The following SLC35F1 variants were observed in gnomAD, a reference collection of about 807,000 sequenced individuals.
SLC35F1 encodes the protein solute carrier family 35 member F1.
In SLC35F1, 14 loss-of-function variants were observed where a neutral mutation model predicts 48.7. That is an observed-to-expected ratio of 0.29 (90% CI 0.19 to 0.45). The LOEUF is 0.45. SLC35F1 is among the 20% of genes least tolerant of loss of function. The probability of loss-of-function intolerance (pLI) is 1.00; values close to 1 mark genes in which losing one functional copy is unlikely to be tolerated. For missense variants in SLC35F1, 404 were observed against 500.0 expected (o/e 0.81, Z 1.83); for synonymous variants, 190 against 202.2 (o/e 0.94, Z 0.51).
intron 1 of SLC35F1, among the ~76,000 whole-genome samples, chr6:118,138,513 G>C (rs1490127963): frequency 1.3e-5 from 2 of 152,090 alleles, no homozygotes; most frequent in Non-Finnish European, 2.9e-5. Flanking sequence ...TTCATTCCAA[G>C]GCACTATATC....
intron 1 of SLC35F1, among the ~76,000 whole-genome samples, chr6:118,021,299 C>T (rs905644480): frequency 2.1e-4 from 32 of 152,152 alleles, no homozygotes; most frequent in African/African-American, 7.7e-4. Flanking sequence ...TAGACTGGTA[C>T]TGAAATGGGA....
chr6:118,183,107 C>G (rs1019498997), intron 2 of SLC35F1, among the ~76,000 whole-genome samples: 4 of 152,182 alleles, frequency 2.6e-5, no homozygotes, highest in Admixed American at 2.6e-4. Flanking sequence ...CAGATTGTTG[C>G]AATCCATCAT....
intron 1 of SLC35F1, among the ~76,000 whole-genome samples, chr6:118,005,785 A>G (rs1458026227): frequency 1.3e-5 from 2 of 152,072 alleles, no homozygotes; most frequent in Admixed American, 1.3e-4. Flanking sequence ...TACCTGACCC[A>G]CCGTCTGATA....
intron 2 of SLC35F1, among the ~76,000 whole-genome samples, chr6:118,163,232 G>T (rs369774221): frequency 5.3e-5 from 8 of 151,946 alleles, no homozygotes; most frequent in African/African-American, 1.7e-4. Flanking sequence ...CCAAAGTGCT[G>T]GGATTACAGA....
chr6:118,103,528 C>G (rs1018667097), intron 1 of SLC35F1, among the ~76,000 whole-genome samples: 2 of 152,202 alleles, frequency 1.3e-5, no homozygotes, highest in African/African-American at 4.8e-5. Flanking sequence ...ACTTCTGTGC[C>G]CAGGCCTGAG....
intron 1 of SLC35F1, among the ~76,000 whole-genome samples, chr6:117,916,266 T>C (rs1775824706): frequency 6.6e-6 from 1 of 152,272 alleles, no homozygotes; most frequent in Admixed American, 6.5e-5. Context: ...TTTTGGTTTT[T>C]GTTTTTTTCC....
chr6:118,213,640 G>A (rs1299463815), intron 2 of SLC35F1, among the ~76,000 whole-genome samples: 1 of 152,108 alleles, frequency 6.6e-6, no homozygotes, highest in African/African-American at 2.4e-5. Context: ...AAACGAGGCA[G>A]ACTTATTTGT....
intron 1 of SLC35F1, among the ~76,000 whole-genome samples, chr6:117,936,274 A>G (rs1246254352): frequency 6.6e-6 from 1 of 152,056 alleles, no homozygotes; most frequent in African/African-American, 2.4e-5. Flanking sequence ...TCCAAAGTCT[A>G]CTGTCCTCAC....
intron 1 of SLC35F1, among the ~76,000 whole-genome samples, chr6:117,916,741 G>C (rs1242630674): frequency 2.0e-5 from 3 of 152,186 alleles, no homozygotes; most frequent in East Asian, 3.9e-4. Flanking sequence ...CAATTAAGGA[G>C]GTCACATTCT....
intron 3 of SLC35F1, among the ~76,000 whole-genome samples, chr6:118,256,014 CAA>C (rs1286315416): frequency 1.3e-5 from 2 of 151,788 alleles, no homozygotes; most frequent in Admixed American, 1.3e-4. Context: ...GGCTGTCTAC[CAA>C]AAAAGTTTGT....
At chr6:117,925,096 A>G (rs1776011673) in intron 1 of SLC35F1, among the ~76,000 whole-genome samples, 1 of 152,196 alleles carries the variant, frequency 6.6e-6, no homozygotes. Context: ...CCCTTCTATC[A>G]TTGACATTTG....
At chr6:118,094,855 C>T (rs1158846169) in intron 1 of SLC35F1, among the ~76,000 whole-genome samples, 1 of 152,020 alleles carries the variant, frequency 6.6e-6, no homozygotes, top group African/African-American at 2.4e-5. Context: ...GTAATCCCAG[C>T]TACTTGGGAG....
chr6:118,033,999 AG>A (rs1294465795), intron 1 of SLC35F1, among the ~76,000 whole-genome samples: 1 of 152,192 alleles, frequency 6.6e-6, no homozygotes, highest in African/African-American at 2.4e-5. Context: ...AGCTAAATGG[AG>A]GGAAGAGGTC....
At chr6:117,930,062 G>A (rs944636447) in intron 1 of SLC35F1, among the ~76,000 whole-genome samples, 1 of 152,156 alleles carries the variant, frequency 6.6e-6, no homozygotes, top group Non-Finnish European at 1.5e-5. Flanking sequence ...GGCATTGTTA[G>A]GGCTTGAACC....
chr6:117,926,814 G>A (rs998885087), intron 1 of SLC35F1, among the ~76,000 whole-genome samples: 2 of 152,108 alleles, frequency 1.3e-5, no homozygotes, highest in Admixed American at 6.6e-5. Flanking sequence ...TGACTGATGT[G>A]TTCATAAGAT....
intron 2 of SLC35F1, among the ~76,000 whole-genome samples, chr6:118,160,621 T>C (rs959030915): frequency 6.6e-6 from 1 of 152,040 alleles, no homozygotes; most frequent in Non-Finnish European, 1.5e-5. Flanking sequence ...ATCCTAGAGG[T>C]CTAGGTTCAA....
At chr6:118,121,117 A>G (rs528050437) in intron 1 of SLC35F1, among the ~76,000 whole-genome samples, 4 of 152,316 alleles carry the variant, frequency 2.6e-5, no homozygotes, top group African/African-American at 9.6e-5. Context: ...TCAAAAGGCG[A>G]AAGAATAGGT....
chr6:117,990,693 A>C (rs775692064), intron 1 of SLC35F1, among the ~76,000 whole-genome samples: 1 of 152,162 alleles, frequency 6.6e-6, no homozygotes, highest in Admixed American at 6.5e-5. Flanking sequence ...AAGGTATGTA[A>C]AAGAAGGTGG....
At chr6:118,131,349 G>A (rs1304215315) in intron 1 of SLC35F1, among the ~76,000 whole-genome samples, 1 of 152,080 alleles carries the variant, frequency 6.6e-6, no homozygotes, top group African/African-American at 2.4e-5. Context: ...TATACTTTAA[G>A]CATTTTTATA....
Sources: gnomAD v4.1 joint callset for allele counts (sites outside exome capture counted in the v4.1 genomes callset) on GRCh38, gnomAD v4.1.1 for gene constraint, MANE v1.5 for transcripts, NCBI Gene and HGNC (gene_info 2026-07-23, HGNC 2026-07-21) for gene names.